The following PACRG variants were observed in gnomAD, a reference collection of about 807,000 sequenced individuals.
PACRG encodes the protein parkin coregulated gene protein.
PACRG carries 29 observed loss-of-function variants against 29.7 expected under a neutral mutation model. The ratio of observed to expected loss-of-function variants is 0.98; its 90% confidence interval spans 0.73 to 1.33. The LOEUF is 1.33. PACRG is among the 40% of genes most tolerant of loss of function. PACRG has a pLI of 0.00. For missense variants in PACRG, 279 were observed against 316.2 expected, an observed-to-expected ratio of 0.88 and a Z score of 0.89; for synonymous variants, 116 against 118.7, an observed-to-expected ratio of 0.98 and a Z score of 0.15.
At chr6:163,203,686 A>G (rs1036845474) in intron 4 of PACRG, among the ~76,000 whole-genome samples, 2 of 152,250 alleles carry the variant, frequency 1.3e-5, no homozygotes, top group Non-Finnish European at 2.9e-5. Flanking sequence ...TGAGCTTATT[A>G]AAATACATGG....
At chr6:162,730,732 T>G (rs1163881799) in intron 1 of PACRG, among the ~76,000 whole-genome samples, 2 of 152,248 alleles carry the variant, frequency 1.3e-5, no homozygotes, top group South Asian at 4.1e-4. Context: ...AACTAGACTT[T>G]CTTTCCATGA....
chr6:162,767,510 A>G (rs1255664892), intron 1 of PACRG, among the ~76,000 whole-genome samples: 1 of 134,148 alleles, frequency 7.5e-6, no homozygotes, highest in Admixed American at 7.9e-5. Context: ...TTACTTCAAT[A>G]TTTTCATATC....
intron 2 of PACRG, among the ~76,000 whole-genome samples, chr6:162,818,014 C>A (rs1258592345): frequency 6.6e-6 from 1 of 151,050 alleles, no homozygotes; most frequent in African/African-American, 2.4e-5. Flanking sequence ...CCAGGAATAG[C>A]TTTTTTTTTA....
At chr6:163,061,934 A>G (rs964633540) in intron 2 of PACRG, among the ~76,000 whole-genome samples, 12 of 152,166 alleles carry the variant, frequency 7.9e-5, no homozygotes, top group African/African-American at 2.9e-4. Context: ...GGGAGATTTA[A>G]CTGTTAAGGT....
intron 4 of PACRG, among the ~76,000 whole-genome samples, chr6:163,214,341 G>C (rs1781277731): frequency 6.6e-6 from 1 of 152,032 alleles, no homozygotes; most frequent in African/African-American, 2.4e-5. Context: ...TCTTTCCACA[G>C]TTTTCCAAGA....
chr6:163,108,735 A>C (rs563722097), intron 4 of PACRG, among the ~76,000 whole-genome samples: 1 of 152,134 alleles, frequency 6.6e-6, no homozygotes, highest in Non-Finnish European at 1.5e-5. Context: ...AGTTCTTCAT[A>C]TTAAGTTGTT....
At chr6:162,755,598 G>T (rs986965198) in intron 1 of PACRG, among the ~76,000 whole-genome samples, 5 of 152,058 alleles carry the variant, frequency 3.3e-5, no homozygotes, top group Admixed American at 2.0e-4. Flanking sequence ...ACCATGCCCG[G>T]CTAATTTTTA....
chr6:163,284,290 C>A (rs1241402555), intron 4 of PACRG, among the ~76,000 whole-genome samples: 1 of 152,204 alleles, frequency 6.6e-6, no homozygotes, highest in Non-Finnish European at 1.5e-5. Flanking sequence ...AGCCCGGGGC[C>A]AGGCCAGCAG....
intron 4 of PACRG, among the ~76,000 whole-genome samples, chr6:163,299,388 A>G (rs901483102): frequency 1.3e-5 from 2 of 152,112 alleles, no homozygotes; most frequent in African/African-American, 4.8e-5. Flanking sequence ...AGCCCCATAG[A>G]CGTGTCAGGA....
intron 4 of PACRG, among the ~76,000 whole-genome samples, chr6:163,296,582 C>T (rs1784785555): frequency 6.6e-6 from 1 of 152,240 alleles, no homozygotes; most frequent in South Asian, 2.1e-4. Flanking sequence ...AGGCGTGAGC[C>T]ACTGCGCCCA....
intron 2 of PACRG, among the ~76,000 whole-genome samples, chr6:163,005,373 T>G (rs1804968613): frequency 6.6e-6 from 1 of 152,036 alleles, no homozygotes; most frequent in Non-Finnish European, 1.5e-5. Context: ...TTTTACTCAT[T>G]TCTTAAGGTT....
chr6:163,276,418 A>T (rs7750169), intron 4 of PACRG, among the ~76,000 whole-genome samples: 109,917 of 152,040 alleles, frequency 0.72, 39,986 homozygotes, highest in African/African-American at 0.81. Flanking sequence ...CTAGGTTCGA[A>T]GTGACCATTT....
At chr6:162,928,196 A>G (rs936942207) in intron 2 of PACRG, among the ~76,000 whole-genome samples, 1 of 151,876 alleles carries the variant, frequency 6.6e-6, no homozygotes, top group Non-Finnish European at 1.5e-5. Context: ...CTCTTTGTTC[A>G]TCATTGGTCT....
At chr6:163,295,432 G>C (rs959602220) in intron 4 of PACRG, among the ~76,000 whole-genome samples, 10 of 152,182 alleles carry the variant, frequency 6.6e-5, no homozygotes, top group Non-Finnish European at 1.5e-4. Context: ...AACAGCCGAG[G>C]CTTCAGCTTT....
At chr6:163,271,572 T>G (rs1363450927) in intron 4 of PACRG, among the ~76,000 whole-genome samples, 1 of 152,222 alleles carries the variant, frequency 6.6e-6, no homozygotes, top group African/African-American at 2.4e-5. Flanking sequence ...ATCCAAATCA[T>G]AACATCAGGT....
At chr6:162,927,800 A>AGC (rs1797556499) in intron 2 of PACRG, among the ~76,000 whole-genome samples, 1 of 149,366 alleles carries the variant, frequency 6.7e-6, no homozygotes, top group East Asian at 2.0e-4. Context: ...TAAAATTAAA[A>AGC]AAAGCAAAGC....
chr6:162,947,595 C>CATATATATATAATCATAT (rs1799253594), intron 2 of PACRG, among the ~76,000 whole-genome samples: 3 of 27,988 alleles, frequency 1.1e-4, no homozygotes, highest in African/African-American at 3.2e-4. Context: ...TATATATAAT[C>CATATATATATAATCATAT]ATATATATAT....
At chr6:163,020,019 A>T (rs1472143922) in intron 2 of PACRG, among the ~76,000 whole-genome samples, 1 of 152,204 alleles carries the variant, frequency 6.6e-6, no homozygotes, top group African/African-American at 2.4e-5. Flanking sequence ...ATGTCTTCGT[A>T]TTGGCAAAAA....
intron 4 of PACRG, among the ~76,000 whole-genome samples, chr6:163,143,598 T>C (rs1217666388): frequency 2.0e-5 from 3 of 152,180 alleles, no homozygotes; most frequent in African/African-American, 7.2e-5. Context: ...TAACACACAA[T>C]TCATGTAGTT....
Sources: allele counts gnomAD v4.1 joint callset (sites outside exome capture counted in the v4.1 genomes callset), GRCh38; gene constraint gnomAD v4.1.1; transcripts MANE v1.5; gene names NCBI Gene and HGNC (gene_info 2026-07-23, HGNC 2026-07-21).